Variants in SPATS1 observed in about 807,000 individuals in gnomAD.
SPATS1 encodes the protein spermatogenesis associated serine rich 1.
Under a neutral mutation model 33.6 loss-of-function variants are expected in SPATS1, and 23 were observed. The observed-to-expected ratio is 0.68, with a 90% confidence interval of 0.49 to 0.97. SPATS1 has a LOEUF of 0.97. SPATS1 is among the 50% of genes least tolerant of loss of function. The probability of loss-of-function intolerance (pLI) is 0.00; values close to 1 mark genes in which losing one functional copy is unlikely to be tolerated. For synonymous variants in SPATS1, 131 were observed against 125.6 expected (o/e 1.04, Z -0.29); for missense variants, 327 against 361.0 (o/e 0.91, Z 0.76).
intron 2 of SPATS1, among the ~76,000 whole-genome samples, chr6:44,348,649 A>T (rs1321078487): frequency 6.6e-6 from 1 of 152,136 alleles, no homozygotes. Context: ...GCACTGAAGC[A>T]TGTAGAACGT....
At chr6:44,354,515 C>T (rs545483816) in intron 3 of SPATS1, among the ~76,000 whole-genome samples, 21 of 151,784 alleles carry the variant, frequency 1.4e-4, no homozygotes, top group African/African-American at 4.8e-4. Flanking sequence ...TTTTGTAAAA[C>T]CTACTTTTTA....
chr6:44,380,107 T>C lies in SPATS1; in HGVS notation c.*3044T>C, dbSNP rs1378557108. ...TTGCTTCTTTCCAGCTAGAAAGAGGTTGAACCTGTTAGATGTAAAGATCCC... is the reference window on the plus strand; with the variant it reads ...TTGCTTCTTTCCAGCTAGAAAGAGGCTGAACCTGTTAGATGTAAAGATCCC... On this transcript the variant is annotated 3_prime_UTR_variant, in exon 9 of 9. Coordinates refer to ENST00000674044, the MANE Select transcript of SPATS1 (RefSeq NM_001372081.1). Among the ~76,000 whole-genome samples the C allele has an allele frequency of 6.6e-6, 1 of 152,028 alleles. No homozygotes were observed. Among genetic ancestry groups the C allele is most frequent in the Non-Finnish European group, 1.5e-5 (1 of 68,000 alleles).
intron 7 of SPATS1, among the ~76,000 whole-genome samples, chr6:44,371,651 A>T (rs550815923): frequency 6.6e-6 from 1 of 152,252 alleles, no homozygotes; most frequent in South Asian, 2.1e-4. Context: ...CTGTTTAAAG[A>T]TTTTTGTTTG....
chr6:44,370,130 T>C lies in SPATS1; in HGVS notation c.758+17T>C. The C allele has an allele frequency of 6.3e-7, 1 of 1,596,456 alleles. No homozygotes were observed. Among genetic ancestry groups the C allele is most frequent in the Non-Finnish European group, 8.6e-7 (1 of 1,165,484 alleles). ...AATTCCCAAGTGAGTTCTCTTGTCA[T>C]GTTTTGTGTTATCCCATCTTTATTA... On this transcript the variant is annotated intron_variant, in intron 7 of 8. Transcript: ENST00000674044.
In SPATS1 at chr6:44,352,868, C is replaced by T. The variant is rs777911175; in HGVS notation, c.282C>T (p.Tyr94=). 2.3e-5 allele frequency: 37 copies of T among 1,613,820 alleles called. No individual in the cohort carries two copies. Among genetic ancestry groups the T allele is most frequent in the African/African-American group, 6.7e-5 (5 of 74,884 alleles). Residue 94 remains tyrosine (Y), a synonymous_variant, in exon 3 of 9, where the codon TAC becomes TAT. Coordinates refer to ENST00000674044, the MANE Select transcript of SPATS1 (RefSeq NM_001372081.1). ...EPPGLPRVSA[Y]VDTTADLDRK... ...CTGGCCTCCCCAGAGTGTCTGCTTA[C>T]GTAGAGTAAGTAAGGGTCTGGTGCA... is the stretch of plus-strand genomic sequence containing the variant.
At chr6:44,346,280 C>CCA (rs1787876975) in intron 2 of SPATS1, among the ~76,000 whole-genome samples, 1 of 144,656 alleles carries the variant, frequency 6.9e-6, no homozygotes, top group African/African-American at 2.6e-5. Context: ...GACCCTGTCT[C>CCA]AAAAAAAAAA....
intron 3 of SPATS1, among the ~76,000 whole-genome samples, chr6:44,355,042 A>AT (rs1323811687): frequency 2.0e-5 from 3 of 152,064 alleles, no homozygotes. Flanking sequence ...GCCAGTTTCA[A>AT]ACTCCTGGAC....
intron 7 of SPATS1, among the ~76,000 whole-genome samples, chr6:44,374,019 A>C (rs1054203536): frequency 2.0e-5 from 3 of 152,228 alleles, no homozygotes; most frequent in Non-Finnish European, 4.4e-5. Context: ...ACATAGAGGA[A>C]AGACATGGGG....
rs1790021528 is a variant in SPATS1, at chr6:44,377,334, C to G, written c.*271C>G. The G allele has an allele frequency of 5.7e-6, 3 of 522,708 alleles. No individual in the cohort carries two copies. In the South Asian group the frequency reaches 6.5e-5, roughly 11 times the overall value. 32.4% of individuals were successfully genotyped at this position (522,708 alleles called of 1,614,324 possible). ...TCTCTCTCTCACAATATTACAGTTA[C>G]CATTTTGCTGAACTCTTTGAGAGTG... On this transcript the variant is annotated 3_prime_UTR_variant, in exon 9 of 9. Transcript: ENST00000674044.
intron 5 of SPATS1, among the ~76,000 whole-genome samples, chr6:44,363,057 G>A (rs1169571004): frequency 6.6e-6 from 1 of 151,852 alleles, no homozygotes; most frequent in Non-Finnish European, 1.5e-5. Context: ...GGCTGGTCTC[G>A]AACTCCGGAC....
chr6:44,363,305 C>T (rs1025291132), intron 5 of SPATS1, among the ~76,000 whole-genome samples: 10 of 152,014 alleles, frequency 6.6e-5, no homozygotes, highest in Middle Eastern at 3.2e-3. Context: ...CCACCATGCC[C>T]GGCTGATTTT....
intron 3 of SPATS1, among the ~76,000 whole-genome samples, chr6:44,355,970 G>A (rs1788566710): frequency 6.6e-6 from 1 of 152,150 alleles, no homozygotes; most frequent in Admixed American, 6.5e-5. Context: ...TGATGCCTGG[G>A]TTACGGAGGA....
chr6:44,359,470 A>G (rs751289274), intron 3 of SPATS1, among the ~76,000 whole-genome samples: 1 of 152,184 alleles, frequency 6.6e-6, no homozygotes, highest in Non-Finnish European at 1.5e-5. Context: ...GATATTTCAT[A>G]TAAGTGGAAT....
Position 44,343,137 on chromosome 6 carries a change from C to T in SPATS1, c.42C>T (p.Cys14=), listed in dbSNP as rs747548099. The T allele has an allele frequency of 1.9e-6, 3 of 1,614,030 alleles. No homozygotes were observed. The highest frequency in any genetic ancestry group is 4.5e-5 in the East Asian group (2 of 44,894). ...TCACTGGAAACAGTCCACGGGGCTG[C>T]CGTCTCCCCTCCATCTCAAGCACGA... ...SMLTGNSPRG[C]RLPSISSTTC... is the part of the protein sequence containing the mutation. The change falls in exon 2 of 9, where the codon TGC becomes TGT. Residue 14 remains cysteine (C), a synonymous_variant. Coordinates refer to ENST00000674044, the MANE Select transcript of SPATS1 (RefSeq NM_001372081.1).
intron 5 of SPATS1, among the ~76,000 whole-genome samples, chr6:44,362,713 C>G (rs1788994902): frequency 6.6e-6 from 1 of 152,154 alleles, no homozygotes; most frequent in Non-Finnish European, 1.5e-5. Flanking sequence ...AAACTCACAA[C>G]AGAGACAAAT....
intron 7 of SPATS1, among the ~76,000 whole-genome samples, chr6:44,375,759 G>C (rs1789897833): frequency 1.3e-5 from 2 of 152,018 alleles, no homozygotes; most frequent in Middle Eastern, 3.4e-3. Context: ...GCAGTGAGCA[G>C]AGATCGCACT....
chr6:44,380,009 G>C lies in SPATS1; in HGVS notation c.*2946G>C, dbSNP rs1436050216. On this transcript the variant is annotated 3_prime_UTR_variant, in exon 9 of 9. Coordinates refer to ENST00000674044, the MANE Select transcript of SPATS1 (RefSeq NM_001372081.1). ...CTTTGGACAGCATGAGTATGTCTAC[G>C]TGTGTGGGGAGACAAAGGCATAGAG... Among the ~76,000 whole-genome samples, 1 of 152,084 alleles carries C rather than the reference G, an allele frequency of 6.6e-6. No homozygotes were observed. The highest frequency in any genetic ancestry group is 1.9e-4 in the East Asian group (1 of 5,198).
intron 5 of SPATS1, among the ~76,000 whole-genome samples, chr6:44,363,892 T>G (rs1789086974): frequency 6.6e-6 from 1 of 152,244 alleles, no homozygotes; most frequent in African/African-American, 2.4e-5. Context: ...AATAAAATTC[T>G]AACTTTATAT....
chr6:44,378,791 A>G lies in SPATS1; in HGVS notation c.*1728A>G, dbSNP rs1382712393. ...CATCCCAAAAACAAAGAAGCAAACA[A>G]AAACCACAATGCATTCATGGCACCT... On this transcript the variant is annotated 3_prime_UTR_variant, in exon 9 of 9. Coordinates refer to ENST00000674044, the MANE Select transcript of SPATS1 (RefSeq NM_001372081.1). 6.6e-6 allele frequency: 1 copy of G among 152,476 alleles called. No individual in the cohort carries two copies. The highest frequency in any genetic ancestry group is 2.4e-5 in the African/African-American group (1 of 41,424). 9.4% of individuals were successfully genotyped at this position (152,476 alleles called of 1,614,324 possible).
Sources: gnomAD v4.1 joint callset for allele counts (sites outside exome capture counted in the v4.1 genomes callset) on GRCh38, gnomAD v4.1.1 for gene constraint, MANE v1.5 for transcripts, NCBI Gene and HGNC (gene_info 2026-07-23, HGNC 2026-07-21) for gene names.